ASCC3: variants seen among roughly 807,000 people sequenced by gnomAD.
ASCC3 encodes the protein activating signal cointegrator 1 complex subunit 3.
Under a neutral mutation model 256.3 loss-of-function variants are expected in ASCC3, and 158 were observed. The observed-to-expected ratio is 0.62, with a 90% CI of 0.54 to 0.70. The LOEUF (loss-of-function observed/expected upper bound fraction) is 0.70. ASCC3 is among the 30% of genes least tolerant of loss of function. The pLI is 0.00. For synonymous variants in ASCC3, 948 were observed against 883.4 expected, an observed-to-expected ratio of 1.07 and a Z score of -1.30; for missense variants, 2,259 against 2,626.0, an observed-to-expected ratio of 0.86 and a Z score of 3.05.
intron 10 of ASCC3, among the ~76,000 whole-genome samples, chr6:100,727,682 A>AGC (rs374688280): frequency 2.1e-5 from 3 of 144,810 alleles, no homozygotes; most frequent in African/African-American, 5.6e-5. Context: ...ACAACAACAA[A>AGC]AAAGGGTCTA....
chr6:100,634,864 C>CAAAAAAAAA (rs199632200), intron 25 of ASCC3, among the ~76,000 whole-genome samples: 15 of 119,106 alleles, frequency 1.3e-4, no homozygotes, highest in African/African-American at 2.5e-4. Flanking sequence ...CCTCAAAAAA[C>CAAAAAAAAA]AAAAAAAAAA....
chr6:100,561,015 A>C (rs1582450574), intron 36 of ASCC3, among the ~76,000 whole-genome samples: 1 of 152,142 alleles, frequency 6.6e-6, no homozygotes, highest in South Asian at 2.1e-4. Context: ...ATGCATTTCC[A>C]AATTCTCAAA....
At chr6:100,570,173 T>C (rs1224340711) in intron 36 of ASCC3, among the ~76,000 whole-genome samples, 1 of 152,212 alleles carries the variant, frequency 6.6e-6, no homozygotes, top group Non-Finnish European at 1.5e-5. Flanking sequence ...GGTTTTAATA[T>C]TCTTCTGGTG....
intron 1 of ASCC3, among the ~76,000 whole-genome samples, chr6:100,874,768 G>A (rs571186892): frequency 7.9e-5 from 12 of 152,230 alleles, no homozygotes; most frequent in South Asian, 2.1e-4. Flanking sequence ...ACTGTAGGAA[G>A]ACAGGGAAGG....
At chr6:100,836,157 G>A (rs144459560) in intron 4 of ASCC3, among the ~76,000 whole-genome samples, 1 of 151,980 alleles carries the variant, frequency 6.6e-6, no homozygotes, top group East Asian at 1.9e-4. Flanking sequence ...AGAGTCTTTA[G>A]GGTTTCCTAT....
intron 36 of ASCC3, among the ~76,000 whole-genome samples, chr6:100,578,302 C>T (rs534292486): frequency 6.6e-6 from 1 of 151,974 alleles, no homozygotes; most frequent in South Asian, 2.1e-4. Context: ...GGTACATGAC[C>T]AAGTCTGTTA....
intron 10 of ASCC3, among the ~76,000 whole-genome samples, 182 bp downstream of exon 10, chr6:100,766,383 G>C (rs906602024): frequency 3.3e-5 from 5 of 152,096 alleles, no homozygotes; most frequent in Admixed American, 6.5e-5. Context: ...AGGGATACCA[G>C]AAAACAAAGA....
chr6:100,672,939 T>G (rs1256004637), intron 14 of ASCC3, among the ~76,000 whole-genome samples: 2 of 152,052 alleles, frequency 1.3e-5, no homozygotes, highest in Admixed American at 6.6e-5. Context: ...ATTTGCTGAG[T>G]GATCACGACA....
chr6:100,650,838 C>A, intron 19 of ASCC3, 124 bp from the exon 20 acceptor site: 1 of 789,918 alleles, frequency 1.3e-6, no homozygotes, highest in Non-Finnish European at 2.1e-6. Flanking sequence ...ATTTTTCTTT[C>A]ATAGAGTTAA....
At chr6:100,800,644 T>C in intron 5 of ASCC3, 140 bp from the exon 6 acceptor site, 1 of 682,230 alleles carries the variant, frequency 1.5e-6, no homozygotes, top group Non-Finnish European at 2.4e-6. Context: ...TTCAATTATA[T>C]GTTTTAAGGT....
chr6:100,817,281 G>A (rs1352043910), intron 4 of ASCC3, among the ~76,000 whole-genome samples: 1 of 151,824 alleles, frequency 6.6e-6, no homozygotes, highest in African/African-American at 2.4e-5. Context: ...AGCTAAAGCA[G>A]TGAAAAGGGA....
intron 14 of ASCC3, among the ~76,000 whole-genome samples, chr6:100,666,567 C>A (rs1055783229): frequency 1.3e-5 from 2 of 152,044 alleles, no homozygotes; most frequent in African/African-American, 4.8e-5. Flanking sequence ...ACATAAGTTT[C>A]CTTAACAGTT....
chr6:100,874,915 T>G (rs1582999889), intron 1 of ASCC3, among the ~76,000 whole-genome samples: 1 of 152,254 alleles, frequency 6.6e-6, no homozygotes, highest in East Asian at 1.9e-4. Context: ...TTAATTACTT[T>G]TAAAACCCCT....
chr6:100,809,582 T>C (rs1478803639), intron 4 of ASCC3, among the ~76,000 whole-genome samples: 2 of 152,082 alleles, frequency 1.3e-5, no homozygotes, highest in Admixed American at 6.6e-5. Context: ...TTTTAGTTTC[T>C]GGTATAGTGA....
chr6:100,653,077 A>C (rs1192491160), intron 17 of ASCC3, among the ~76,000 whole-genome samples, 188 bp from the exon 18 acceptor site: 4 of 152,170 alleles, frequency 2.6e-5, no homozygotes, highest in African/African-American at 7.2e-5. Flanking sequence ...AAATAAAGGA[A>C]GCTTAAAAAT....
chr6:100,662,163 A>T (rs1776251950), intron 15 of ASCC3, 133 bp from the exon 16 acceptor site: 1 of 1,109,442 alleles, frequency 9.0e-7, no homozygotes, highest in Non-Finnish European at 1.3e-6. Context: ...ATCATCTGTG[A>T]TAGAGTAAAA....
intron 13 of ASCC3, among the ~76,000 whole-genome samples, chr6:100,703,929 T>C (rs1778459919): frequency 6.6e-6 from 1 of 151,614 alleles, no homozygotes; most frequent in Non-Finnish European, 1.5e-5. Flanking sequence ...TATATATTAG[T>C]TATATACAAA....
At chr6:100,570,381 C>T (rs760509521) in intron 36 of ASCC3, among the ~76,000 whole-genome samples, 7 of 152,100 alleles carry the variant, frequency 4.6e-5, no homozygotes, top group Non-Finnish European at 1.5e-5. Flanking sequence ...GGAATGATTC[C>T]AGTTTCTGTT....
intron 4 of ASCC3, among the ~76,000 whole-genome samples, chr6:100,830,891 A>T (rs1771587935): frequency 6.6e-6 from 1 of 152,226 alleles, no homozygotes; most frequent in Non-Finnish European, 1.5e-5. Flanking sequence ...AGACTAATAT[A>T]AGTAAGTATG....
Sources: gnomAD v4.1 joint callset for allele counts (sites outside exome capture counted in the v4.1 genomes callset) on GRCh38, gnomAD v4.1.1 for gene constraint, MANE v1.5 for transcripts, NCBI Gene and HGNC (gene_info 2026-07-23, HGNC 2026-07-21) for gene names.